Variants in NOTCH2 observed in about 807,000 individuals in gnomAD.
The protein encoded by NOTCH2 is notch receptor 2, also known as neurogenic locus notch homolog protein 2.
A neutral mutation model predicts 235.8 loss-of-function variants in NOTCH2; 29 were observed. That is an observed-to-expected ratio of 0.12 (90% CI 0.09 to 0.17). NOTCH2 has a LOEUF of 0.17. Ranked by LOEUF, NOTCH2 falls within the 10% of genes least tolerant of loss-of-function variation. NOTCH2 has a pLI of 1.00. For synonymous variants in NOTCH2, 1,086 were observed against 1,141.5 expected (o/e 0.95, Z 0.98); for missense variants, 2,285 against 3,150.2 (o/e 0.73, Z 6.57).
intron 27 of NOTCH2, 30 bp from the exon 28 acceptor site, chr1:119,922,476 T>G (rs768945825): frequency 5.0e-6 from 8 of 1,600,436 alleles, no homozygotes; most frequent in Non-Finnish European, 6.8e-6. Flanking sequence ...GGGAAAGTGC[T>G]GAATAAAACA....
chr1:120,014,142 T>C (rs1653324422), intron 2 of NOTCH2, among the ~76,000 whole-genome samples: 1 of 152,164 alleles, frequency 6.6e-6, no homozygotes, highest in Admixed American at 6.5e-5. Context: ...CATTGAACTC[T>C]GAAAGAACAT....
chr1:120,028,966 C>T (rs1299413875), intron 2 of NOTCH2, among the ~76,000 whole-genome samples: 4 of 151,670 alleles, frequency 2.6e-5, no homozygotes, highest in Non-Finnish European at 5.9e-5. Context: ...CACAGCCTTC[C>T]TCAAACAAAC....
At chr1:119,935,750 C>G in intron 21 of NOTCH2, 146 bp from the exon 22 acceptor site, 1 of 862,956 alleles carries the variant, frequency 1.2e-6, no homozygotes. Flanking sequence ...CCATCACACT[C>G]TCTGCTAATC....
In NOTCH2 at chr1:119,967,427, A is replaced by G. The variant is rs369036743; in HGVS notation, c.1453+6T>C. On this transcript the variant is annotated splice_donor_region_variant and intron_variant, in intron 8 of 33. Coordinates refer to ENST00000256646, the MANE Select transcript of NOTCH2 (RefSeq NM_024408.4). ...CTAGACCCAACATGCTGATGGGCCC[A>G]TTTACCTGGCATGCACAGACATGTG... 5.0e-6 allele frequency: 8 copies of G among 1,613,692 alleles called. No homozygotes were observed. The highest frequency in any genetic ancestry group is 2.5e-6 in the Non-Finnish European group (3 of 1,179,748).
intron 5 of NOTCH2, among the ~76,000 whole-genome samples, chr1:119,982,081 C>T (rs140570745): frequency 0.013 from 1,946 of 152,238 alleles, 20 homozygotes; most frequent in Non-Finnish European, 0.019. Context: ...CATTCCCAGA[C>T]ACAAGGAGCT....
intron 22 of NOTCH2, among the ~76,000 whole-genome samples, chr1:119,933,975 G>A (rs1553195463): frequency 6.6e-6 from 1 of 152,188 alleles, no homozygotes; most frequent in African/African-American, 2.4e-5. Context: ...CCTGTACTGT[G>A]GAGGCCTTGG....
In NOTCH2 at chr1:119,940,546, G is replaced by A; in HGVS notation, c.3183+9C>T. The A allele has an allele frequency of 6.2e-7, 1 of 1,612,458 alleles. No homozygotes were observed. The highest frequency in any genetic ancestry group is 8.5e-7 in the Non-Finnish European group (1 of 1,179,178). The stretch of plus-strand genomic sequence containing the variant: ...GGGGAGCTGAGTGAATGGGAAGGAA[G>A]TCAATTACCTGACAGTTTTTCCCAG... On this transcript the variant is annotated intron_variant, in intron 19 of 33. Transcript: ENST00000256646.
intron 1 of NOTCH2, among the ~76,000 whole-genome samples, chr1:120,063,672 T>G (rs1207906857): frequency 6.6e-6 from 1 of 152,144 alleles, no homozygotes; most frequent in Non-Finnish European, 1.5e-5. Context: ...GCAACCTGTC[T>G]CTAATACTCT....
chr1:119,966,531 A>C (rs1553199697), intron 8 of NOTCH2, 42 bp from the exon 9 acceptor site: 1 of 1,406,178 alleles, frequency 7.1e-7, no homozygotes, highest in South Asian at 1.2e-5. Context: ...AGAGAGAGAA[A>C]GGTGTATTCC....
chr1:120,014,134 T>C (rs1653323965), intron 2 of NOTCH2, among the ~76,000 whole-genome samples: 1 of 152,102 alleles, frequency 6.6e-6, no homozygotes, highest in Non-Finnish European at 1.5e-5. Context: ...TTCTCTAGCA[T>C]TGAACTCTGA....
At chr1:119,943,896 T>TAGA (rs587704249) in intron 17 of NOTCH2, among the ~76,000 whole-genome samples, 147 of 152,124 alleles carry the variant, frequency 9.7e-4, no homozygotes, top group African/African-American at 3.4e-3. Context: ...AGACTTGAAT[T>TAGA]AAACTTCCAC....
At chr1:119,954,938 A>T in intron 13 of NOTCH2, 102 bp downstream of exon 13, 1 of 1,142,884 alleles carries the variant, frequency 8.7e-7, no homozygotes. Flanking sequence ...GCAAAGTTTC[A>T]GCTCAAAGCC....
chr1:119,922,813 G>A (rs1291549230), intron 26 of NOTCH2, 35 bp from the exon 27 acceptor site: 1 of 1,613,142 alleles, frequency 6.2e-7, no homozygotes, highest in African/African-American at 1.3e-5. Flanking sequence ...GAGGAGGAGA[G>A]ATGGGGGTAA....
intron 2 of NOTCH2, among the ~76,000 whole-genome samples, chr1:120,027,769 T>C (rs1235750632): frequency 7.9e-5 from 12 of 151,262 alleles, no homozygotes; most frequent in African/African-American, 2.7e-4. Context: ...GAATGATGGC[T>C]TCCAGCTTCA....
rs587738385 is a variant in NOTCH2, at chr1:119,935,437, C to A, written c.3655+35G>T. On this transcript the variant is annotated intron_variant, in intron 22 of 33. Coordinates refer to ENST00000256646, the MANE Select transcript of NOTCH2 (RefSeq NM_024408.4). The stretch of plus-strand genomic sequence containing the variant: ...AATGGATTTATAACTTAAGACAATG[C>A]CCTGGATGGAAAATGGATAAGGATG... 1.2e-6 allele frequency: 2 copies of A among 1,613,986 alleles called. No individual in the cohort carries two copies. Among genetic ancestry groups the A allele is most frequent in the East Asian group, 2.2e-5 (1 of 44,878 alleles).
rs771655457 is a variant in NOTCH2 at position 119,914,250 on chromosome 1, C to T, written c.*1056G>A. ...TGCTCAGATCTGGGACAAATGTGTTCCATACAGGCAGTCAATGGAATGCTT... is the reference window on the plus strand; with the variant it reads ...TGCTCAGATCTGGGACAAATGTGTTTCATACAGGCAGTCAATGGAATGCTT... On this transcript the variant is annotated 3_prime_UTR_variant, in exon 34 of 34. Transcript: ENST00000256646. 8 of 233,104 alleles carry T rather than the reference C, an allele frequency of 3.4e-5. No homozygotes were observed. Among genetic ancestry groups the T allele is most frequent in the Non-Finnish European group, 6.8e-5 (8 of 118,036 alleles). 14.4% of individuals were successfully genotyped at this position (233,104 alleles called of 1,614,324 possible).
At chr1:120,043,322 CACA>C (rs1376603536) in intron 1 of NOTCH2, among the ~76,000 whole-genome samples, 7 of 151,650 alleles carry the variant, frequency 4.6e-5, no homozygotes, top group African/African-American at 1.7e-4. Flanking sequence ...ATTTGATCCC[CACA>C]ACAACACTAT....
chr1:119,941,614 A>G lies in NOTCH2; in HGVS notation c.2893T>C (p.Ser965Pro). The G allele has an allele frequency of 1.2e-6, 2 of 1,614,172 alleles. No homozygotes were observed. The highest frequency in any genetic ancestry group is 1.7e-6 in the Non-Finnish European group (2 of 1,180,020). ...CAAGTGTAACTGTTGACGTAGTCAG[A>G]GCAGGTCCCTCCATTCTTACAGGGT... Reference protein sequence around the residue: ...SEPCKNGGTCSDYVNSYTCKC... With the variant: ...SEPCKNGGTCPDYVNSYTCKC... The change falls in exon 18 of 34, where the codon TCT becomes CCT. Residue 965 changes from serine (S) to proline (P), a missense_variant. Ser to Pro is a moderately conservative substitution (Grantham distance 74, BLOSUM62 -1). Around this residue, in one of 6 missense-constraint regions of NOTCH2, gnomAD observed 1,173 missense variants for 1,515.3 expected, o/e 0.77. Coordinates refer to ENST00000256646, the MANE Select transcript of NOTCH2 (RefSeq NM_024408.4).
chr1:120,015,296 C>T lies in NOTCH2; in HGVS notation c.156-9708G>A, dbSNP rs376667282. Among the ~76,000 whole-genome samples, 8 of 152,290 alleles carry T rather than the reference C, an allele frequency of 5.3e-5. No individual in the cohort carries two copies. The South Asian group carries it at 6.3e-4, about 12-fold the overall frequency. On this transcript the variant is annotated intron_variant, in intron 2 of 33. Coordinates refer to ENST00000256646, the MANE Select transcript of NOTCH2 (RefSeq NM_024408.4). ...CTGCTTTCAACCCACTTTCTTCTTG[C>T]GCTGGGCCTCTTGGCCCCCCAATCC...
Sources: gnomAD v4.1 joint callset for allele counts (sites outside exome capture counted in the v4.1 genomes callset) on GRCh38, gnomAD v4.1.1 for gene constraint, gnomAD v4.1.1 regional missense constraint, MANE v1.5 for transcripts, NCBI Gene and HGNC (gene_info 2026-07-23, HGNC 2026-07-21) for gene names.